The following CLRN1 variants were observed in gnomAD, a reference collection of about 807,000 sequenced individuals.
CLRN1 encodes clarin 1, also known as clarin-1.
In CLRN1, 15 loss-of-function variants were observed where a neutral mutation model predicts 18.7. That is an observed-to-expected ratio of 0.80 (90% CI 0.54 to 1.23). The LOEUF is 1.23. CLRN1 is among the 50% of genes most tolerant of loss of function. The pLI is 0.00. For missense variants in CLRN1, 311 were observed against 277.5 expected (o/e 1.12, Z -0.86); for synonymous variants, 104 against 102.9 (o/e 1.01, Z -0.07).
At chr3:150,952,903 T>A (rs1268671742) in intron 1 of CLRN1, among the ~76,000 whole-genome samples, 1 of 152,244 alleles carries the variant, frequency 6.6e-6, no homozygotes, top group Non-Finnish European at 1.5e-5. Flanking sequence ...AGGACACTAA[T>A]CCCTGCTTGC....
At position 150,932,047 on chromosome 3, in the gene CLRN1, GT is replaced by G. The variant is rs762418448; in HGVS notation, c.434-3847del. Among the ~76,000 whole-genome samples the G allele has an allele frequency of 2.2e-3, 325 of 150,244 alleles. 7 individuals carry two copies. In the East Asian group the frequency reaches 0.041, roughly 19 times the overall value. ...CCCCACCATCTGTCTGGTACTGTAG[GT>G]TTTTTTTTTCTTCCTTTTAATGACT... is the stretch of plus-strand genomic sequence containing the variant. On this transcript the variant is annotated intron_variant, in intron 2 of 2. Coordinates refer to ENST00000327047, the MANE Select transcript of CLRN1 (RefSeq NM_174878.3).
intron 1 of CLRN1, among the ~76,000 whole-genome samples, chr3:150,952,923 A>T (rs1210663011): frequency 1.3e-5 from 2 of 152,156 alleles, no homozygotes; most frequent in Non-Finnish European, 2.9e-5. Context: ...CTATATTTAC[A>T]CTTTATCAGG....
At chr3:150,964,603 C>G (rs1356462792) in intron 1 of CLRN1, among the ~76,000 whole-genome samples, 1 of 152,106 alleles carries the variant, frequency 6.6e-6, no homozygotes, top group Non-Finnish European at 1.5e-5. Context: ...GACATATGCC[C>G]ACATATGTTT....
At chr3:150,955,454 G>T (rs1162057698) in intron 1 of CLRN1, among the ~76,000 whole-genome samples, 1 of 152,192 alleles carries the variant, frequency 6.6e-6, no homozygotes, top group Non-Finnish European at 1.5e-5. Context: ...AGTTTGGAAA[G>T]AATTCAGGGC....
At chr3:150,964,250 A>G (rs2107985145) in intron 1 of CLRN1, among the ~76,000 whole-genome samples, 1 of 152,352 alleles carries the variant, frequency 6.6e-6, no homozygotes, top group South Asian at 2.1e-4. Context: ...GGCAAAGGAT[A>G]TGAACGGACA....
chr3:150,928,825 T>C (rs1712973196), intron 2 of CLRN1, among the ~76,000 whole-genome samples: 1 of 152,216 alleles, frequency 6.6e-6, no homozygotes, highest in South Asian at 2.1e-4. Context: ...TGTGAGTGTC[T>C]TGAATTAAGA....
intron 1 of CLRN1, among the ~76,000 whole-genome samples, chr3:150,943,362 AC>A (rs940858152): frequency 1.5e-4 from 23 of 152,062 alleles, no homozygotes; most frequent in Non-Finnish European, 2.4e-4. Flanking sequence ...CTGCCCCACC[AC>A]CTATCCTCTG....
chr3:150,962,403 C>G (rs1876746), intron 1 of CLRN1, among the ~76,000 whole-genome samples: 18,926 of 152,054 alleles, frequency 0.12, 1,311 homozygotes, highest in East Asian at 0.24. Context: ...AAAAATACAC[C>G]TATAACTTTA....
At position 150,926,746 on chromosome 3, in the gene CLRN1, C is replaced by G; in HGVS notation, c.*1190G>C. ...TATGAGGGCTGCTGAGTACTCAGCA[C>G]CTGTGGTCAGAGGCCTAGTGATCTG... On this transcript the variant is annotated 3_prime_UTR_variant, in exon 3 of 3. Transcript: ENST00000327047. 2.5e-6 allele frequency: 4 copies of G among 1,580,654 alleles called. No individual in the cohort carries two copies. The South Asian group carries it at 4.4e-5, about 18-fold the overall frequency.
At chr3:150,940,744 G>A (rs578067031) in intron 2 of CLRN1, among the ~76,000 whole-genome samples, 9 of 152,220 alleles carry the variant, frequency 5.9e-5, no homozygotes, top group East Asian at 3.9e-4. Flanking sequence ...TCATTTTCTC[G>A]TCTTTCTCCT....
intron 1 of CLRN1, chr3:150,945,616 T>C: frequency 7.8e-7 from 1 of 1,286,996 alleles, no homozygotes; most frequent in Non-Finnish European, 1.0e-6. Flanking sequence ...ACCAGTGTCC[T>C]CACTCAGGAG....
chr3:150,954,741 G>A (rs960095559), intron 1 of CLRN1, among the ~76,000 whole-genome samples: 3 of 152,122 alleles, frequency 2.0e-5, no homozygotes, highest in African/African-American at 7.2e-5. Context: ...TTAGTTCTAG[G>A]TTTACATTTA....
chr3:150,970,388 A>G (rs546823512), intron 1 of CLRN1, among the ~76,000 whole-genome samples: 7 of 152,170 alleles, frequency 4.6e-5, no homozygotes, highest in Non-Finnish European at 1.0e-4. Flanking sequence ...TTGATTAGAA[A>G]GTTTTAACAC....
chr3:150,953,643 A>G (rs1314258040), intron 1 of CLRN1, among the ~76,000 whole-genome samples: 1 of 152,014 alleles, frequency 6.6e-6, no homozygotes, highest in Non-Finnish European at 1.5e-5. Context: ...TCAGCCACTC[A>G]AGTAGCTGGG....
chr3:150,945,858 G>A (rs1714139523), intron 1 of CLRN1, among the ~76,000 whole-genome samples: 1 of 152,148 alleles, frequency 6.6e-6, no homozygotes, highest in South Asian at 2.1e-4. Flanking sequence ...AGGCAGCTGG[G>A]CAATCTATAA....
rs761225726 is a variant in CLRN1 at position 150,972,451 on chromosome 3, C to G, written c.253+5G>C. On this transcript the variant is annotated splice_donor_5th_base_variant and intron_variant, in intron 1 of 2. Transcript: ENST00000327047. ...TTAAATAACTCAAATGCAATTGCTA[C>G]TTACATGAGAACCGAAAGGGCCTTG... 3 of 1,614,052 alleles carry G rather than the reference C, an allele frequency of 1.9e-6. No individual in the cohort carries two copies. The African/African-American group carries it at 4.0e-5, about 22-fold the overall frequency.
intron 2 of CLRN1, among the ~76,000 whole-genome samples, chr3:150,930,536 T>A (rs1481986092): frequency 1.3e-5 from 2 of 152,178 alleles, no homozygotes; most frequent in Non-Finnish European, 2.9e-5. Context: ...TTTGTAAAAT[T>A]TTGTCAGCCT....
chr3:150,957,700 C>T (rs902421524), intron 1 of CLRN1, among the ~76,000 whole-genome samples: 7 of 152,164 alleles, frequency 4.6e-5, no homozygotes, highest in South Asian at 2.1e-4. Context: ...GCTCTGTCGC[C>T]CAGGCTGGAG....
At chr3:150,966,872 T>G (rs1267684949) in intron 1 of CLRN1, among the ~76,000 whole-genome samples, 1 of 152,182 alleles carries the variant, frequency 6.6e-6, no homozygotes, top group Non-Finnish European at 1.5e-5. Context: ...AGAAGGGTTA[T>G]GCAACTGTAA....
Sources: gnomAD v4.1 joint callset for allele counts (sites outside exome capture counted in the v4.1 genomes callset) on GRCh38, gnomAD v4.1.1 for gene constraint, MANE v1.5 for transcripts, NCBI Gene and HGNC (gene_info 2026-07-23, HGNC 2026-07-21) for gene names.